Variants in CDK15 observed in about 807,000 individuals in gnomAD.
CDK15 encodes the protein cyclin dependent kinase 15.
In CDK15, 62 loss-of-function variants were observed where a neutral mutation model predicts 60.3. The observed-to-expected ratio is 1.03, with a 90% CI of 0.84 to 1.27. CDK15 has a LOEUF of 1.27. Among genes scored for constraint, CDK15 ranks in the 50% most tolerant of loss-of-function variants. CDK15 has a pLI of 0.00. For missense variants in CDK15, 541 were observed against 527.8 expected (o/e 1.03, Z -0.25); for synonymous variants, 194 against 195.7 (o/e 0.99, Z 0.07).
chr2:201,893,866 C>T lies in CDK15; in HGVS notation c.*599C>T, dbSNP rs991718788. On this transcript the variant is annotated 3_prime_UTR_variant, in exon 14 of 14. Coordinates refer to ENST00000652192, the MANE Select transcript of CDK15 (RefSeq NM_001366386.2). ...CCTTCACTAAACTGGATTATCAGAA[C>T]GTATTACCACCCAACCCATATTTTA... 3.3e-5 allele frequency: 5 copies of T among 152,102 alleles called. No homozygotes were observed. The South Asian group carries it at 6.2e-4, about 19-fold the overall frequency. The allele number at this position is 152,102 out of a possible 1,614,324, so 9.4% of individuals were successfully genotyped here.
intron 8 of CDK15, among the ~76,000 whole-genome samples, 193 bp downstream of exon 8, chr2:201,835,956 TTGTATATA>T (rs1380118489): frequency 5.3e-4 from 42 of 79,004 alleles, no homozygotes; most frequent in African/African-American, 1.2e-3. Flanking sequence ...TTATATATAT[TTGTATATA>T]TTTATATATT....
intron 12 of CDK15, among the ~76,000 whole-genome samples, chr2:201,886,873 A>G (rs1445940947): frequency 6.6e-6 from 1 of 152,164 alleles, no homozygotes; most frequent in Non-Finnish European, 1.5e-5. Context: ...AGTGTTGATG[A>G]GATTGTGGTA....
chr2:201,884,497 C>A (rs1334091066), intron 12 of CDK15, among the ~76,000 whole-genome samples: 1 of 152,150 alleles, frequency 6.6e-6, no homozygotes, highest in African/African-American at 2.4e-5. Flanking sequence ...TGCCTCATTG[C>A]CCTGTTAAAA....
intron 4 of CDK15, among the ~76,000 whole-genome samples, chr2:201,815,680 T>A (rs978183861): frequency 1.3e-5 from 2 of 152,232 alleles, no homozygotes; most frequent in Non-Finnish European, 2.9e-5. Flanking sequence ...ATGTGCATTG[T>A]TTTAAATATT....
At position 201,890,880 on chromosome 2, in the gene CDK15, A is replaced by G; in HGVS notation, c.1294A>G (p.Ser432Gly). 1 of 1,613,040 alleles carries G rather than the reference A, an allele frequency of 6.2e-7. No homozygotes were observed. The highest frequency in any genetic ancestry group is 8.5e-7 in the Non-Finnish European group (1 of 1,179,276). The change falls in exon 13 of 14, where the codon AGC becomes GGC. Residue 432 changes from serine to glycine, a missense_variant. Transcript: ENST00000652192. ...GAAAGGTCACCACCCAGCCCAGTTT[A>G]GCAAATGCTGGTGAAAAGAAAGGGC... is the stretch of plus-strand genomic sequence containing the variant. ...YQKGHHPAQF[S>G]KCW
At chr2:201,865,138 T>A (rs1370154406) in intron 10 of CDK15, among the ~76,000 whole-genome samples, 3 of 152,206 alleles carry the variant, frequency 2.0e-5, no homozygotes, top group African/African-American at 7.2e-5. Flanking sequence ...TCCATGCCTG[T>A]GTATTCTCAA....
chr2:201,888,438 T>C, intron 12 of CDK15: 12 of 1,533,684 alleles, frequency 7.8e-6, no homozygotes, highest in Non-Finnish European at 1.0e-5. Context: ...AAACACCCGC[T>C]TTCATATTTA....
At chr2:201,830,502 T>C (rs1435597545) in intron 6 of CDK15, among the ~76,000 whole-genome samples, 4 of 152,160 alleles carry the variant, frequency 2.6e-5, no homozygotes, top group Non-Finnish European at 4.4e-5. Flanking sequence ...GGGGGATGAA[T>C]TTTGTATTTC....
intron 10 of CDK15, among the ~76,000 whole-genome samples, chr2:201,860,122 C>G (rs1200442046): frequency 1.3e-5 from 2 of 152,194 alleles, no homozygotes; most frequent in Non-Finnish European, 2.9e-5. Context: ...TGTTTGCTTC[C>G]TTAAACACGG....
At chr2:201,861,079 T>A in intron 10 of CDK15, 1 of 1,075,942 alleles carries the variant, frequency 9.3e-7, no homozygotes, top group Non-Finnish European at 1.1e-6. Context: ...GGAAAGATAT[T>A]GATAAAAGAG....
At chr2:201,872,193 A>C (rs1698871310) in intron 10 of CDK15, 85 bp from the exon 11 acceptor site, 1 of 1,364,320 alleles carries the variant, frequency 7.3e-7, no homozygotes, top group South Asian at 1.2e-5. Context: ...CAAGCCAAGA[A>C]GAGCATTTAG....
At chr2:201,835,086 G>C (rs916400876) in intron 7 of CDK15, among the ~76,000 whole-genome samples, 4 of 152,174 alleles carry the variant, frequency 2.6e-5, no homozygotes, top group African/African-American at 9.7e-5. Context: ...AGGTGGCCAT[G>C]TTAGTCATGA....
At chr2:201,847,503 G>T in intron 9 of CDK15, 29 bp downstream of exon 9, 1 of 1,590,056 alleles carries the variant, frequency 6.3e-7, no homozygotes, top group South Asian at 1.1e-5. Flanking sequence ...TAAAGAAAAT[G>T]AAATATCTGC....
At chr2:201,869,312 AG>A (rs1295798042) in intron 10 of CDK15, among the ~76,000 whole-genome samples, 1 of 140,200 alleles carries the variant, frequency 7.1e-6, no homozygotes, top group African/African-American at 2.6e-5. Flanking sequence ...TCTCACTCAC[AG>A]GGGGGAATTG....
At chr2:201,852,870 G>A (rs1478921819) in intron 9 of CDK15, among the ~76,000 whole-genome samples, 1 of 152,076 alleles carries the variant, frequency 6.6e-6, no homozygotes, top group African/African-American at 2.4e-5. Context: ...TTGAACATAA[G>A]ATTAAAAAAA....
intron 12 of CDK15, among the ~76,000 whole-genome samples, chr2:201,890,481 T>C (rs373342893): frequency 1.3e-5 from 2 of 152,242 alleles, no homozygotes; most frequent in East Asian, 1.9e-4. Flanking sequence ...TGCCTCACTT[T>C]TGGTCCTTCT....
intron 12 of CDK15, among the ~76,000 whole-genome samples, chr2:201,886,444 G>A (rs934731968): frequency 6.6e-6 from 1 of 151,744 alleles, no homozygotes; most frequent in African/African-American, 2.4e-5. Flanking sequence ...TCCCGCCTCA[G>A]CCTCCCGAGT....
intron 8 of CDK15, among the ~76,000 whole-genome samples, chr2:201,846,507 T>A (rs958369857): frequency 3.9e-4 from 59 of 149,760 alleles, no homozygotes; most frequent in African/African-American, 1.4e-3. Context: ...AAAAAAAAAA[T>A]TGCAGAATTG....
rs148470814 is a variant in CDK15 at position 201,822,830 on chromosome 2, A to G, written c.470A>G (p.Lys157Arg). ...CTAGCTTCTCTCCTGAAGGGTTTGAAACATGCCAATATTGTGCTCCTGCAT... is the reference window on the plus strand; with the variant it reads ...CTAGCTTCTCTCCTGAAGGGTTTGAGACATGCCAATATTGTGCTCCTGCAT... Reference protein sequence around the residue: ...IREASLLKGLKHANIVLLHDI... With the variant: ...IREASLLKGLRHANIVLLHDI... The change falls in exon 5 of 14, where the codon AAA (lysine) becomes AGA (arginine). Residue 157 changes from lysine to arginine, a missense_variant. Physicochemically the swap from Lys to Arg is conservative, Grantham distance 26 (BLOSUM62 2). Transcript: ENST00000652192. The G allele has an allele frequency of 4.2e-5, 68 of 1,611,466 alleles. No homozygotes were observed. The highest frequency in any genetic ancestry group is 5.3e-5 in the Non-Finnish European group (62 of 1,177,818).
Sources: gnomAD v4.1 joint callset for allele counts (sites outside exome capture counted in the v4.1 genomes callset) on GRCh38, gnomAD v4.1.1 for gene constraint, MANE v1.5 for transcripts, NCBI Gene and HGNC (gene_info 2026-07-23, HGNC 2026-07-21) for gene names.